The following IGSF21 variants were observed in gnomAD, a reference collection of about 807,000 sequenced individuals.
The protein encoded by IGSF21 is immunoglobin superfamily member 21, also known as immunoglobulin superfamily member 21.
In IGSF21, 28 loss-of-function variants were observed where a neutral mutation model predicts 46.8. The ratio of observed to expected loss-of-function variants is 0.60; its 90% CI spans 0.44 to 0.82. The LOEUF (loss-of-function observed/expected upper bound fraction) is 0.82. IGSF21 is among the 40% of genes least tolerant of loss of function. The pLI is 0.00. For missense variants in IGSF21, 624 were observed against 665.5 expected, an observed-to-expected ratio of 0.94 and a Z score of 0.69; for synonymous variants, 284 against 273.6, an observed-to-expected ratio of 1.04 and a Z score of -0.38.
intron 1 of IGSF21, among the ~76,000 whole-genome samples, chr1:18,130,627 G>T (rs947510897): frequency 6.6e-6 from 1 of 152,164 alleles, no homozygotes; most frequent in Admixed American, 6.5e-5. Flanking sequence ...CTCACCCAAG[G>T]TTACACAGCT....
intron 1 of IGSF21, among the ~76,000 whole-genome samples, chr1:18,187,345 A>G (rs1157431886): frequency 6.6e-6 from 1 of 152,202 alleles, no homozygotes; most frequent in Non-Finnish European, 1.5e-5. Context: ...CTCTGCTGAT[A>G]AAGACATACT....
intron 4 of IGSF21, among the ~76,000 whole-genome samples, chr1:18,351,308 T>TG (rs1038969742): frequency 1.6e-4 from 15 of 92,630 alleles, no homozygotes; most frequent in East Asian, 1.1e-3. Context: ...ATTCTATGGG[T>TG]GGGGGGGTAG....
chr1:18,137,804 C>G lies in IGSF21; in HGVS notation c.70+29606C>G, dbSNP rs11583067. Among the ~76,000 whole-genome samples the G allele has an allele frequency of 3.9e-5, 6 of 152,120 alleles. No homozygotes were observed. In the South Asian group the frequency reaches 6.2e-4, roughly 16 times the overall value. On this transcript the variant is annotated intron_variant, in intron 1 of 9. Transcript: ENST00000251296. Reference sequence around the variant, plus strand: ...AAATATTTATGTAGTGCTTACTGTGCGCTGAGAAGTCTTCTAAGCGCTTAT... The same window carrying G: ...AAATATTTATGTAGTGCTTACTGTGGGCTGAGAAGTCTTCTAAGCGCTTAT...
At chr1:18,148,812 G>A (rs2086494325) in intron 1 of IGSF21, among the ~76,000 whole-genome samples, 1 of 152,110 alleles carries the variant, frequency 6.6e-6, no homozygotes, top group South Asian at 2.1e-4. Flanking sequence ...AATAAGAAGT[G>A]GAAAAAACAA....
At chr1:18,122,000 G>A (rs1439423245) in intron 1 of IGSF21, among the ~76,000 whole-genome samples, 2 of 152,122 alleles carry the variant, frequency 1.3e-5, no homozygotes, top group Non-Finnish European at 2.9e-5. Context: ...GGATGGCTTT[G>A]GTCACCCATG....
chr1:18,359,982 T>A (rs2086082229), intron 4 of IGSF21, among the ~76,000 whole-genome samples: 2 of 152,188 alleles, frequency 1.3e-5, no homozygotes, highest in South Asian at 4.2e-4. Flanking sequence ...CGTGAGTGAG[T>A]CTGAGCAAGT....
chr1:18,294,694 A>G (rs1055108600), intron 3 of IGSF21, among the ~76,000 whole-genome samples: 1 of 152,224 alleles, frequency 6.6e-6, no homozygotes, highest in African/African-American at 2.4e-5. Flanking sequence ...CCTGAGCCTC[A>G]GTAACAGGGG....
At chr1:18,371,626 G>T (rs1293574724) in intron 6 of IGSF21, among the ~76,000 whole-genome samples, 1 of 151,964 alleles carries the variant, frequency 6.6e-6, no homozygotes, top group Non-Finnish European at 1.5e-5. Context: ...TACTCACTGT[G>T]TGAGTCCATT....
intron 2 of IGSF21, chr1:18,278,856 C>T (rs957713292): frequency 1.9e-5 from 9 of 471,536 alleles, no homozygotes; most frequent in Non-Finnish European, 3.5e-5. Context: ...GCACCCAGCC[C>T]ATGTTCACAT....
intron 2 of IGSF21, among the ~76,000 whole-genome samples, chr1:18,279,871 CGG>C (rs1480305373): frequency 7.2e-5 from 11 of 152,234 alleles, no homozygotes; most frequent in Admixed American, 5.2e-4. Flanking sequence ...TGATCTGCCA[CGG>C]GTCTGCCGGC....
intron 1 of IGSF21, among the ~76,000 whole-genome samples, chr1:18,226,564 C>T (rs1364493675): frequency 6.6e-6 from 1 of 152,212 alleles, no homozygotes; most frequent in East Asian, 1.9e-4. Context: ...CCTTGCCTTG[C>T]CCCTCACCCT....
chr1:18,220,449 C>T (rs139019322), intron 1 of IGSF21, among the ~76,000 whole-genome samples: 4,084 of 152,196 alleles, frequency 0.027, 78 homozygotes, highest in Middle Eastern at 0.058. Flanking sequence ...ACAGGTGCCT[C>T]TGTGAGGGCC....
intron 2 of IGSF21, among the ~76,000 whole-genome samples, chr1:18,245,389 C>G (rs1433730142): frequency 6.6e-6 from 1 of 151,946 alleles, no homozygotes; most frequent in African/African-American, 2.4e-5. Context: ...TTTGTAATTT[C>G]TTTAAACAAA....
chr1:18,163,768 A>T (rs1281424540), intron 1 of IGSF21, among the ~76,000 whole-genome samples: 1 of 152,176 alleles, frequency 6.6e-6, no homozygotes, highest in Non-Finnish European at 1.5e-5. Context: ...AAGGAACAGA[A>T]GTGCCCACCA....
intron 3 of IGSF21, among the ~76,000 whole-genome samples, chr1:18,308,369 A>G (rs1557636713): frequency 1.3e-5 from 2 of 152,150 alleles, no homozygotes; most frequent in Non-Finnish European, 2.9e-5. Flanking sequence ...TTCAGCAAAC[A>G]CGTAGTGAGC....
intron 1 of IGSF21, among the ~76,000 whole-genome samples, chr1:18,143,453 C>A (rs979720581): frequency 1.3e-5 from 2 of 152,152 alleles, no homozygotes; most frequent in Non-Finnish European, 2.9e-5. Context: ...CTCCATGGCT[C>A]CCCAGTGCCC....
At chr1:18,261,980 T>C (rs779694682) in intron 2 of IGSF21, among the ~76,000 whole-genome samples, 1 of 151,788 alleles carries the variant, frequency 6.6e-6, no homozygotes, top group Non-Finnish European at 1.5e-5. Flanking sequence ...GGAAGTGGAG[T>C]AGAATGGAGT....
intron 4 of IGSF21, among the ~76,000 whole-genome samples, chr1:18,338,062 A>G (rs563941547): frequency 2.6e-5 from 4 of 152,100 alleles, no homozygotes; most frequent in Non-Finnish European, 4.4e-5. Context: ...GGAGGCAGGC[A>G]CCACAATAAG....
intron 2 of IGSF21, among the ~76,000 whole-genome samples, chr1:18,284,522 T>C (rs223192): frequency 0.23 from 34,480 of 152,206 alleles, 5,525 homozygotes; most frequent in African/African-American, 0.46. Context: ...TTTTGCAAGA[T>C]GCTTTTACAT....
Sources: allele counts gnomAD v4.1 joint callset (sites outside exome capture counted in the v4.1 genomes callset), GRCh38; gene constraint gnomAD v4.1.1; transcripts MANE v1.5; gene names NCBI Gene and HGNC (gene_info 2026-07-23, HGNC 2026-07-21).